KLC3: variants seen among roughly 807,000 people sequenced by gnomAD.
KLC3 encodes kinesin light chain 2.
In KLC3, 72 loss-of-function variants were observed where a neutral mutation model predicts 62.9. That is an observed-to-expected ratio of 1.15 (90% CI 0.95 to 1.39). KLC3 has a LOEUF of 1.39. Among genes scored for constraint, KLC3 ranks in the 40% most tolerant of loss-of-function variants. KLC3 has a pLI of 0.00. For missense variants in KLC3, 848 were observed against 691.6 expected (o/e 1.23, Z -2.54); for synonymous variants, 377 against 300.5 (o/e 1.25, Z -2.63).
Position 45,351,491 on chromosome 19 carries a change from G to A in KLC3, c.*134G>A. 1.3e-6 allele frequency: 2 copies of A among 1,589,400 alleles called. No individual in the cohort carries two copies. Among genetic ancestry groups the A allele is most frequent in the Non-Finnish European group, 1.7e-6 (2 of 1,171,778 alleles). ...ACCTGGTGGATAGCTGCCTTCTCCT[G>A]CGATTAAAGGCTGTGGACGTGACAG... On this transcript the variant is annotated 3_prime_UTR_variant, in exon 13 of 13. Coordinates refer to ENST00000391946, the MANE Select transcript of KLC3 (RefSeq NM_177417.3).
chr19:45,341,588 C>CGT (rs973477684), intron 1 of KLC3, among the ~76,000 whole-genome samples: 2 of 132,344 alleles, frequency 1.5e-5, no homozygotes, highest in African/African-American at 6.2e-5. Flanking sequence ...TGCGCGCGCG[C>CGT]GTGTGGTGGA....
chr19:45,347,973 C>A lies in KLC3; in HGVS notation c.592C>A (p.Gln198Lys). The change falls in exon 5 of 13, where the codon CAG becomes AAG. Residue 198 changes from glutamine to lysine, a missense_variant. Gln to Lys is a moderately conservative substitution (Grantham distance 53, BLOSUM62 1). Transcript: ENST00000391946. ...PEAAGAAAAQQGGYEIPARLR... is the reference protein window; with the variant it reads ...PEAAGAAAAQKGGYEIPARLR... ...GGCCGCAGGAGCAGCAGCTGCTCAG[C>A]AGGGTGGCTATGAGATCCCTGCCCG... The A allele has an allele frequency of 6.2e-7, 1 of 1,609,124 alleles. No homozygotes were observed. Among genetic ancestry groups the A allele is most frequent in the Non-Finnish European group, 8.5e-7 (1 of 1,177,940 alleles).
Position 45,347,532 on chromosome 19 carries a change from A to G in KLC3, c.559+16A>G. The G allele has an allele frequency of 6.2e-7, 1 of 1,603,152 alleles. No homozygotes were observed. Among genetic ancestry groups the G allele is most frequent in the South Asian group, 1.1e-5 (1 of 89,914 alleles). On this transcript the variant is annotated intron_variant, in intron 4 of 12. Transcript: ENST00000391946. The stretch of plus-strand genomic sequence containing the variant: ...GAGAGGAAAGGTGGGTGTTGGGAGT[A>G]CATGCCACAGAGGATGGCAGGCCAG...
rs116630936 is a variant in KLC3, at chr19:45,349,704, G to T, written c.1143+102G>T. On this transcript the variant is annotated intron_variant, in intron 8 of 12. Transcript: ENST00000391946. ...GGTGAGCAACGTGAGGGTGGGGGGG[G>T]GCCCCCCAGGCCGGGCCCTTGGAGC... 2.0e-3 allele frequency: 1,618 copies of T among 815,808 alleles called. 42 individuals carry two copies. In the African/African-American group the frequency reaches 0.023, roughly 12 times the overall value. The allele number at this position is 815,808 out of a possible 1,614,324, so 50.5% of individuals were successfully genotyped here. A position where few individuals can be genotyped will look rare whatever the true frequency, so the allele number is the denominator to read the frequency against.
At chr19:45,349,953 T>C in intron 8 of KLC3, 2 of 411,004 alleles carry the variant, frequency 4.9e-6, no homozygotes. Context: ...CCACTTTGCG[T>C]GTGGGAAGAC....
At chr19:45,350,282 C>CT in intron 8 of KLC3, 59 bp from the exon 9 acceptor site, 1 of 1,244,762 alleles carries the variant, frequency 8.0e-7, no homozygotes, top group Non-Finnish European at 1.1e-6. Flanking sequence ...AAAGGCGGGA[C>CT]TGGATGCAGT....
Position 45,351,391 on chromosome 19 carries a change from G to T in KLC3, c.*34G>T. 1 of 1,606,420 alleles carries T rather than the reference G, an allele frequency of 6.2e-7. No individual in the cohort carries two copies. Among genetic ancestry groups the T allele is most frequent in the Non-Finnish European group, 8.5e-7 (1 of 1,179,844 alleles). On this transcript the variant is annotated 3_prime_UTR_variant, in exon 13 of 13. Coordinates refer to ENST00000391946, the MANE Select transcript of KLC3 (RefSeq NM_177417.3). The stretch of plus-strand genomic sequence containing the variant: ...GAACTGCGCTGGCCGCAGCTTCTTG[G>T]GAACAGTGCAGGAGGGATGGGCTGG...
intron 4 of KLC3, 152 bp downstream of exon 4, chr19:45,347,668 G>A (rs1449993049): frequency 1.7e-5 from 13 of 743,518 alleles, no homozygotes; most frequent in Middle Eastern, 3.8e-4. Flanking sequence ...GTGAGGCTGG[G>A]AGCCACAAAG....
At chr19:45,350,171 C>CAACA (rs1450769251) in intron 8 of KLC3, 170 bp from the exon 9 acceptor site, 1 of 612,576 alleles carries the variant, frequency 1.6e-6, no homozygotes, top group South Asian at 2.0e-5. Context: ...CTTGTAACCC[C>CAACA]AACACTTTGG....
Position 45,341,578 on chromosome 19 carries a change from T to TGTGTGCGCGCGCGCGCGC in KLC3, c.-9+733_-9+734insTGTGCGCGCGCGCGCGCG. 2.8e-3 allele frequency among the ~76,000 whole-genome samples: 398 copies of TGTGTGCGCGCGCGCGCGC among 139,832 alleles called. 2 individuals carry two copies. Among genetic ancestry groups the TGTGTGCGCGCGCGCGCGC allele is most frequent in the South Asian group, 7.8e-3 (33 of 4,244 alleles). The allele number at this position is 139,832 out of a possible 152,430, so 91.7% of individuals were successfully genotyped here. On this transcript the variant is annotated intron_variant, in intron 1 of 12. Coordinates refer to ENST00000391946, the MANE Select transcript of KLC3 (RefSeq NM_177417.3). ...TGGTGTGTGTGTGTGTGTGTGTGTG[T>TGTGTGCGCGCGCGCGCGC]GCGCGCGCGCGTGTGGTGGACAGTG...
Position 45,349,590 on chromosome 19 carries a change from CAAG to C in KLC3, c.1134_1136del (p.Lys378del), listed in dbSNP as rs1971609713. 6.2e-7 allele frequency: 1 copy of C among 1,611,168 alleles called. No individual in the cohort carries two copies. On this transcript the variant is annotated inframe_deletion, in exon 8 of 13. Coordinates refer to ENST00000391946, the MANE Select transcript of KLC3 (RefSeq NM_177417.3). ...CCCATGACCCCAACGTGGCCAAGAC[CAAG>C]AACAACCTGGTGAGGCCCCTGGGGC...
At position 45,350,707 on chromosome 19, in the gene KLC3, G is replaced by A; in HGVS notation, c.1339G>A (p.Val447Ile). 1 of 1,613,688 alleles carries A rather than the reference G, an allele frequency of 6.2e-7. No homozygotes were observed. The highest frequency in any genetic ancestry group is 8.5e-7 in the Non-Finnish European group (1 of 1,179,900). Residue 447 changes from valine (V) to isoleucine (I), a missense_variant, in exon 11 of 13, where the codon GTC (valine) becomes ATC (isoleucine). Coordinates refer to ENST00000391946, the MANE Select transcript of KLC3 (RefSeq NM_177417.3). ...ESIRRGSEKLVSRLRGEAAAG... is the reference protein window; with the variant it reads ...ESIRRGSEKLISRLRGEAAAG... Reference sequence around the variant, plus strand: ...TATCAGGCGAGGAAGTGAGAAGCTGGTCTCCCGGCTCCGAGGCGAGGCGGC... The same window carrying A: ...TATCAGGCGAGGAAGTGAGAAGCTGATCTCCCGGCTCCGAGGCGAGGCGGC...
intron 1 of KLC3, among the ~76,000 whole-genome samples, chr19:45,341,745 T>C (rs1568519443): frequency 1.5e-5 from 2 of 131,094 alleles, no homozygotes; most frequent in South Asian, 2.5e-4. Context: ...GTTGGATGAG[T>C]GAGGTGTGGA....
Position 45,348,939 on chromosome 19 carries a change from C to G in KLC3, c.969+18C>G, listed in dbSNP as rs550034816. On this transcript the variant is annotated intron_variant, in intron 7 of 12. Coordinates refer to ENST00000391946, the MANE Select transcript of KLC3 (RefSeq NM_177417.3). Reference sequence around the variant, plus strand: ...GAGAGAAGGTCCCATCCCCCTCACCCCACCCCGAGGAACCCCTTGTCCCAT... The same window carrying G: ...GAGAGAAGGTCCCATCCCCCTCACCGCACCCCGAGGAACCCCTTGTCCCAT... The G allele has an allele frequency of 9.0e-6, 14 of 1,554,000 alleles. No homozygotes were observed. In the South Asian group the frequency reaches 1.3e-4, roughly 14 times the overall value.
At chr19:45,344,582 ATG>A (rs1238126919) in intron 1 of KLC3, among the ~76,000 whole-genome samples, 1 of 151,988 alleles carries the variant, frequency 6.6e-6, no homozygotes, top group African/African-American at 2.4e-5. Context: ...GGAGAGGAAA[ATG>A]TGTATGTTGC....
intron 2 of KLC3, among the ~76,000 whole-genome samples, chr19:45,346,300 G>A (rs371810842): frequency 6.6e-6 from 1 of 152,154 alleles, no homozygotes; most frequent in East Asian, 1.9e-4. Context: ...GTGTGACAGG[G>A]ACCCCTGAAC....
intron 7 of KLC3, 112 bp from the exon 8 acceptor site, chr19:45,349,317 C>A: frequency 9.0e-7 from 1 of 1,105,246 alleles, no homozygotes; most frequent in Non-Finnish European, 1.3e-6. Flanking sequence ...CCTCTCAGGT[C>A]ACTCTCTGCT....
chr19:45,346,766 G>A lies in KLC3; in HGVS notation c.481G>A (p.Glu161Lys), dbSNP rs1165815561. ...GCTGCGACAGTACGACCCACCGGCG[G>A]AGAGCCAGGTGCCACGGGCAGGGCG... Reference protein sequence around the residue: ...GQLRQYDPPAESQQSESPPRR... With the variant: ...GQLRQYDPPAKSQQSESPPRR... The change falls in exon 3 of 13, where the codon GAG becomes AAG. Residue 161 changes from glutamate (E) to lysine (K), a missense_variant. Physicochemically the swap from Glu to Lys is moderately conservative, Grantham distance 56 (BLOSUM62 1). Coordinates refer to ENST00000391946, the MANE Select transcript of KLC3 (RefSeq NM_177417.3). The A allele has an allele frequency of 6.3e-7, 1 of 1,578,350 alleles. No homozygotes were observed. Among genetic ancestry groups the A allele is most frequent in the Non-Finnish European group, 8.6e-7 (1 of 1,163,088 alleles).
Position 45,348,085 on chromosome 19 carries a change from A to G in KLC3, c.704A>G (p.Glu235Gly), listed in dbSNP as rs1311761506. The part of the protein sequence containing the change: ...VAVPLCRQAL[E>G]DLERSSGHCH... ...GTGCCTCTGTGCCGCCAGGCCTTGG[A>G]GGACCTGGAGCGCAGCTCGGGCCAC... Residue 235 changes from glutamate (E) to glycine (G), a missense_variant, in exon 5 of 13, where the codon GAG (glutamate) becomes GGG (glycine). Glu to Gly is a moderately conservative substitution (Grantham distance 98). Coordinates refer to ENST00000391946, the MANE Select transcript of KLC3 (RefSeq NM_177417.3). 1 of 1,602,734 alleles carries G rather than the reference A, an allele frequency of 6.2e-7. No individual in the cohort carries two copies. The highest frequency in any genetic ancestry group is 1.3e-5 in the African/African-American group (1 of 74,726).
Sources: allele counts gnomAD v4.1 joint callset (sites outside exome capture counted in the v4.1 genomes callset), GRCh38; gene constraint gnomAD v4.1.1; transcripts MANE v1.5; gene names NCBI Gene and HGNC (gene_info 2026-07-23, HGNC 2026-07-21).